Variants in KCNK10 observed in about 807,000 individuals in gnomAD.
KCNK10 encodes potassium two pore domain channel subfamily K member 10.
A neutral mutation model predicts 47.7 loss-of-function variants in KCNK10; 25 were observed. The observed-to-expected ratio is 0.52, with a 90% confidence interval of 0.38 to 0.73. KCNK10 has a LOEUF of 0.73. KCNK10 is among the 30% of genes least tolerant of loss of function. KCNK10 has a pLI of 0.00. For synonymous variants in KCNK10, 303 were observed against 285.6 expected, an observed-to-expected ratio of 1.06 and a Z score of -0.61; for missense variants, 563 against 714.5, an observed-to-expected ratio of 0.79 and a Z score of 2.42.
chr14:88,280,171 T>A (rs1357596968), intron 1 of KCNK10, among the ~76,000 whole-genome samples: 1 of 152,088 alleles, frequency 6.6e-6, no homozygotes, highest in African/African-American at 2.4e-5. Context: ...CTGCTAACGA[T>A]CTCTGCTACC....
intron 3 of KCNK10, among the ~76,000 whole-genome samples, chr14:88,232,999 C>T (rs960341823): frequency 7.2e-5 from 11 of 152,178 alleles, no homozygotes; most frequent in African/African-American, 2.7e-4. Flanking sequence ...ATGGCAGCTG[C>T]AGCAGCCAGC....
intron 2 of KCNK10, among the ~76,000 whole-genome samples, chr14:88,258,290 CT>C (rs1255773967): frequency 0.031 from 4,241 of 136,182 alleles, 195 homozygotes; most frequent in African/African-American, 0.073. Flanking sequence ...TATGGTGAGT[CT>C]TTTTTTTTTT....
intron 4 of KCNK10, 108 bp from the exon 5 acceptor site, chr14:88,192,518 G>A (rs1445174055): frequency 7.8e-6 from 7 of 902,742 alleles, no homozygotes; most frequent in African/African-American, 1.7e-5. Context: ...ACCTTTCTCT[G>A]GTCATTGGCT....
At chr14:88,259,299 C>A (rs1887043940) in intron 2 of KCNK10, among the ~76,000 whole-genome samples, 1 of 152,134 alleles carries the variant, frequency 6.6e-6, no homozygotes, top group Non-Finnish European at 1.5e-5. Flanking sequence ...GCAGTTAAAC[C>A]TGCTTAACTT....
At chr14:88,271,873 T>C (rs570314284) in intron 1 of KCNK10, among the ~76,000 whole-genome samples, 1 of 151,862 alleles carries the variant, frequency 6.6e-6, no homozygotes, top group South Asian at 2.1e-4. Context: ...GCTCGACAGT[T>C]TCCCCTGATT....
intron 1 of KCNK10, among the ~76,000 whole-genome samples, chr14:88,268,980 A>C (rs188615588): frequency 6.6e-6 from 1 of 152,306 alleles, no homozygotes; most frequent in Non-Finnish European, 1.5e-5. Flanking sequence ...TCTACTAAAA[A>C]TACAAAAATT....
chr14:88,292,997 A>T (rs1267172773), intron 1 of KCNK10, among the ~76,000 whole-genome samples: 6 of 151,934 alleles, frequency 3.9e-5, no homozygotes, highest in Non-Finnish European at 8.8e-5. Flanking sequence ...ATATCTGAAA[A>T]AAAAGTACAA....
chr14:88,322,038 C>T lies in KCNK10; in HGVS notation c.52+709G>A, dbSNP rs1888557239. On this transcript the variant is annotated intron_variant, in intron 1 of 6. Transcript: ENST00000319231. This position sits in a 1 kb window ranked among gnomAD's most constrained non-coding sequence, Gnocchi z 4.8. ...CCTTTTGCGTGGATGAAACCTGGTC[C>T]AACATTCGTAAAAGCATGCAAACCA... Among the ~76,000 whole-genome samples the T allele has an allele frequency of 6.6e-6, 1 of 152,188 alleles. No homozygotes were observed. Among genetic ancestry groups the T allele is most frequent in the Non-Finnish European group, 1.5e-5 (1 of 68,038 alleles).
chr14:88,253,933 G>A (rs368981525), intron 2 of KCNK10, among the ~76,000 whole-genome samples: 1 of 152,236 alleles, frequency 6.6e-6, no homozygotes, highest in East Asian at 1.9e-4. Flanking sequence ...ACGTCATAAA[G>A]TGAAAACCAA....
intron 6 of KCNK10, 97 bp downstream of exon 6, chr14:88,187,870 G>C: frequency 2.2e-6 from 3 of 1,384,722 alleles, no homozygotes; most frequent in Non-Finnish European, 3.0e-6. Flanking sequence ...GCAAAACCGA[G>C]CCAGAAACAC....
intron 1 of KCNK10, among the ~76,000 whole-genome samples, chr14:88,305,015 T>C (rs1466963482): frequency 2.6e-5 from 4 of 152,138 alleles, no homozygotes; most frequent in African/African-American, 9.7e-5. Flanking sequence ...CTGGCCAATG[T>C]GGTGAAACCC....
At chr14:88,193,000 C>T (rs970969069) in intron 4 of KCNK10, among the ~76,000 whole-genome samples, 6 of 152,230 alleles carry the variant, frequency 3.9e-5, no homozygotes, top group Non-Finnish European at 8.8e-5. Context: ...TTCGCCCCCA[C>T]ATTTTCCCTG....
intron 4 of KCNK10, among the ~76,000 whole-genome samples, chr14:88,195,893 T>A (rs550119505): frequency 1.3e-5 from 2 of 152,220 alleles, no homozygotes; most frequent in East Asian, 3.9e-4. Context: ...GTTTCCACGG[T>A]GGGGTTGCTA....
chr14:88,265,679 T>C (rs1215951188), intron 1 of KCNK10, among the ~76,000 whole-genome samples: 1 of 152,224 alleles, frequency 6.6e-6, no homozygotes, highest in Non-Finnish European at 1.5e-5. Context: ...CACCTTAAAT[T>C]GTATTCCCAT....
chr14:88,193,123 A>C (rs1884803655), intron 4 of KCNK10, among the ~76,000 whole-genome samples: 2 of 152,252 alleles, frequency 1.3e-5, no homozygotes, highest in African/African-American at 2.4e-5. Context: ...GATAGGAGTT[A>C]GCATAACAGG....
chr14:88,190,531 A>G (rs1884710607), intron 5 of KCNK10, among the ~76,000 whole-genome samples: 1 of 152,060 alleles, frequency 6.6e-6, no homozygotes, highest in Non-Finnish European at 1.5e-5. Context: ...CTAGACATCC[A>G]TGGTTGAGCA....
chr14:88,249,126 G>C (rs974499521), intron 2 of KCNK10, among the ~76,000 whole-genome samples: 4 of 152,072 alleles, frequency 2.6e-5, no homozygotes, highest in African/African-American at 9.7e-5. Flanking sequence ...GGACAACATA[G>C]AGAAGTCATA....
intron 1 of KCNK10, among the ~76,000 whole-genome samples, chr14:88,298,724 T>C (rs960746106): frequency 6.6e-6 from 1 of 152,218 alleles, no homozygotes; most frequent in African/African-American, 2.4e-5. Flanking sequence ...TTTGTCCCTC[T>C]GACTTAAATT....
At chr14:88,310,560 C>A (rs1184186132) in intron 1 of KCNK10, among the ~76,000 whole-genome samples, 2 of 152,152 alleles carry the variant, frequency 1.3e-5, no homozygotes, top group African/African-American at 4.8e-5. Context: ...GTCTGCTCTG[C>A]CTGTCTTTAG....
Sources: gnomAD v4.1 joint callset for allele counts (sites outside exome capture counted in the v4.1 genomes callset) on GRCh38, gnomAD v4.1.1 for gene constraint, Gnocchi (gnomAD v3.1) non-coding constraint, MANE v1.5 for transcripts, NCBI Gene and HGNC (gene_info 2026-07-23, HGNC 2026-07-21) for gene names.